PPARGC1A: variants seen among roughly 807,000 people sequenced by gnomAD.
PPARGC1A encodes the protein peroxisome proliferator-activated receptor gamma coactivator 1-alpha.
PPARGC1A carries 25 observed loss-of-function variants against 88.7 expected under a neutral mutation model. That is an observed-to-expected ratio of 0.28 (90% CI 0.21 to 0.39). PPARGC1A has a LOEUF of 0.39. Ranked by LOEUF, PPARGC1A falls within the 10% of genes least tolerant of loss-of-function variation. The pLI is 1.00. For synonymous variants in PPARGC1A, 363 were observed against 355.6 expected (o/e 1.02, Z -0.24); for missense variants, 880 against 968.7 (o/e 0.91, Z 1.22).
At chr4:23,939,649 T>C in the PPARGC1A span, among the ~76,000 whole-genome samples, 79 of 152,280 alleles carry the variant, frequency 5.2e-4, 1 homozygote, top group African/African-American at 1.1e-3. Context: ...AACCAAGAAA[T>C]GCCACAAACT....
the PPARGC1A span, among the ~76,000 whole-genome samples, chr4:24,185,668 G>A: frequency 6.6e-6 from 1 of 152,058 alleles, no homozygotes; most frequent in East Asian, 1.9e-4. Flanking sequence ...TTTTTAAGTT[G>A]ATAATATTAC....
At chr4:24,157,465 A>G in the PPARGC1A span, among the ~76,000 whole-genome samples, 6 of 152,266 alleles carry the variant, frequency 3.9e-5, no homozygotes, top group Non-Finnish European at 7.4e-5. Flanking sequence ...TCACCTGAGC[A>G]TTAAATAATA....
the PPARGC1A span, among the ~76,000 whole-genome samples, chr4:24,113,721 C>G: frequency 6.6e-6 from 1 of 152,104 alleles, no homozygotes; most frequent in Admixed American, 6.6e-5. Context: ...TTTGCCCCTG[C>G]TTTTCCCTGT....
chr4:24,305,135 A>ATG, the PPARGC1A span, among the ~76,000 whole-genome samples: 1 of 147,252 alleles, frequency 6.8e-6, no homozygotes, highest in Non-Finnish European at 1.5e-5. Context: ...ATGTGTATGT[A>ATG]TATATATATA....
chr4:23,831,478 ATTG>A, intron 3 of PPARGC1A, 76 bp downstream of exon 3: 1 of 1,304,434 alleles, frequency 7.7e-7, no homozygotes, highest in Non-Finnish European at 1.1e-6. Context: ...TCCAAACCTT[ATTG>A]TGACTACATC....
the PPARGC1A span, among the ~76,000 whole-genome samples, chr4:24,382,029 A>G: frequency 6.6e-6 from 1 of 152,346 alleles, no homozygotes; most frequent in South Asian, 2.1e-4. Context: ...GGAATCCACA[A>G]AAACATTTAT....
chr4:24,026,998 C>T, the PPARGC1A span, among the ~76,000 whole-genome samples: 54,079 of 151,870 alleles, frequency 0.36, 9,980 homozygotes, highest in East Asian at 0.52. Context: ...TATTTTCTAA[C>T]GGGTCAGTAA....
chr4:24,156,531 C>A, the PPARGC1A span, among the ~76,000 whole-genome samples: 1 of 152,108 alleles, frequency 6.6e-6, no homozygotes, highest in Non-Finnish European at 1.5e-5. Flanking sequence ...CTAGGTGTCC[C>A]ATTATGGTAT....
chr4:24,268,396 C>A, the PPARGC1A span, among the ~76,000 whole-genome samples: 1 of 152,100 alleles, frequency 6.6e-6, no homozygotes, highest in Non-Finnish European at 1.5e-5. Context: ...TTAATGATGG[C>A]CTTGCAAATG....
At chr4:24,337,694 A>G in the PPARGC1A span, among the ~76,000 whole-genome samples, 3 of 38,968 alleles carry the variant, frequency 7.7e-5, no homozygotes, top group African/African-American at 7.1e-4. Flanking sequence ...TTTACAAATG[A>G]AAAAAAAAAA....
the PPARGC1A span, among the ~76,000 whole-genome samples, chr4:24,201,962 C>T: frequency 1.8e-4 from 27 of 150,944 alleles, no homozygotes; most frequent in East Asian, 3.7e-3. Context: ...AGTGCAGTGG[C>T]GCGATCTCAG....
intron 10 of PPARGC1A, among the ~76,000 whole-genome samples, chr4:23,803,351 G>A (rs1253958355): frequency 3.9e-5 from 6 of 152,030 alleles, no homozygotes; most frequent in African/African-American, 7.2e-5. Context: ...ATGAGTCTCC[G>A]AAGAATAAGA....
At chr4:24,184,045 C>A in the PPARGC1A span, among the ~76,000 whole-genome samples, 114 of 152,322 alleles carry the variant, frequency 7.5e-4, no homozygotes, top group Non-Finnish European at 8.4e-4. Context: ...CTCAGTTGCA[C>A]TTCTGTCCTC....
the PPARGC1A span, among the ~76,000 whole-genome samples, chr4:24,277,600 A>T: frequency 1.3e-5 from 2 of 152,218 alleles, no homozygotes; most frequent in Admixed American, 6.5e-5. Context: ...CTAACTGCTC[A>T]TAAAAAGACT....
chr4:24,200,654 G>GAAAAAAAA, the PPARGC1A span, among the ~76,000 whole-genome samples: 4 of 5,360 alleles, frequency 7.5e-4, no homozygotes, highest in African/African-American at 8.9e-4. Flanking sequence ...TATTTATTAA[G>GAAAAAAAA]CAAAAAAAAA....
At chr4:24,307,709 G>A in the PPARGC1A span, among the ~76,000 whole-genome samples, 1 of 152,212 alleles carries the variant, frequency 6.6e-6, no homozygotes, top group Non-Finnish European at 1.5e-5. Flanking sequence ...ACCAGCAGAG[G>A]ATCTGGTTCG....
At chr4:24,273,824 A>C in the PPARGC1A span, among the ~76,000 whole-genome samples, 1 of 144,582 alleles carries the variant, frequency 6.9e-6, no homozygotes, top group African/African-American at 2.6e-5. Context: ...TCCACCTTCC[A>C]GGTTGAAGCG....
chr4:24,128,569 TGTGTGTGTGTGC>T, the PPARGC1A span, among the ~76,000 whole-genome samples: 1 of 148,788 alleles, frequency 6.7e-6, no homozygotes, highest in Non-Finnish European at 1.5e-5. Flanking sequence ...TGTGTGTGTG[TGTGTGTGTGTGC>T]ACGCGCATCT....
At chr4:24,256,317 G>C in the PPARGC1A span, among the ~76,000 whole-genome samples, 1 of 152,152 alleles carries the variant, frequency 6.6e-6, no homozygotes, top group Non-Finnish European at 1.5e-5. Flanking sequence ...AGATCGGCAG[G>C]AGACATGTCA....
Sources: allele counts gnomAD v4.1 joint callset (sites outside exome capture counted in the v4.1 genomes callset), GRCh38; gene constraint gnomAD v4.1.1; transcripts MANE v1.5; gene names NCBI Gene and HGNC (gene_info 2026-07-23, HGNC 2026-07-21).